The following SCAPER variants were observed in gnomAD, a reference collection of about 807,000 sequenced individuals.
SCAPER encodes S phase cyclin A-associated protein in the endoplasmic reticulum.
A neutral mutation model predicts 182.2 loss-of-function variants in SCAPER; 98 were observed. The ratio of observed to expected loss-of-function variants is 0.54; its 90% CI spans 0.46 to 0.64. The LOEUF is 0.64. SCAPER is among the 30% of genes least tolerant of loss of function. The pLI, the probability that SCAPER is intolerant of heterozygous loss-of-function variation, is 0.00. For synonymous variants in SCAPER, 605 were observed against 564.6 expected, an observed-to-expected ratio of 1.07 and a Z score of -1.01; for missense variants, 1,432 against 1,690.0, an observed-to-expected ratio of 0.85 and a Z score of 2.68.
intron 24 of SCAPER, among the ~76,000 whole-genome samples, chr15:76,504,246 A>G (rs1353289131): frequency 6.6e-6 from 1 of 152,092 alleles, no homozygotes. Flanking sequence ...TCTCCACAAA[A>G]TACCCAGAAA....
chr15:76,449,680 A>G (rs1393848651), intron 25 of SCAPER, among the ~76,000 whole-genome samples: 4 of 152,178 alleles, frequency 2.6e-5, no homozygotes, highest in Non-Finnish European at 5.9e-5. Flanking sequence ...AAGGGCATGT[A>G]TAAAGTTTTC....
chr15:76,607,425 C>T lies in SCAPER; in HGVS notation c.2711+14339G>A, dbSNP rs531381806. On this transcript the variant is annotated intron_variant, in intron 22 of 31. Transcript: ENST00000563290. ...GGGCTTCCCTTTGTGGGTAACCTGACCTTTGTCTCTGGCTGCTCTTAACAT... is the reference window on the plus strand; with the variant it reads ...GGGCTTCCCTTTGTGGGTAACCTGATCTTTGTCTCTGGCTGCTCTTAACAT... 3.9e-5 allele frequency among the ~76,000 whole-genome samples: 6 copies of T among 152,288 alleles called. No individual in the cohort carries two copies. In the South Asian group the frequency reaches 1.2e-3, roughly 32 times the overall value.
At chr15:76,876,290 C>T (rs1047873712) in intron 2 of SCAPER, among the ~76,000 whole-genome samples, 2 of 152,236 alleles carry the variant, frequency 1.3e-5, no homozygotes, top group East Asian at 1.9e-4. Context: ...AAGGACTCCC[C>T]GAGCATGGCC....
chr15:76,623,446 T>C (rs939247941), intron 21 of SCAPER, among the ~76,000 whole-genome samples: 1 of 152,242 alleles, frequency 6.6e-6, no homozygotes, highest in Non-Finnish European at 1.5e-5. Flanking sequence ...AGGGGTCTAA[T>C]TTATTTCTTC....
At chr15:76,548,459 T>C (rs1375188146) in intron 23 of SCAPER, among the ~76,000 whole-genome samples, 1 of 152,196 alleles carries the variant, frequency 6.6e-6, no homozygotes, top group Non-Finnish European at 1.5e-5. Flanking sequence ...ATGCTATAAA[T>C]AGAATGATGT....
chr15:76,381,662 G>A (rs2042949157), intron 27 of SCAPER, 47 bp from the exon 28 acceptor site: 2 of 1,423,790 alleles, frequency 1.4e-6, no homozygotes, highest in Non-Finnish European at 1.9e-6. Context: ...CTTAATGGAT[G>A]TTAGCAATTT....
intron 24 of SCAPER, among the ~76,000 whole-genome samples, chr15:76,491,337 A>G (rs2052284395): frequency 6.6e-6 from 1 of 152,172 alleles, no homozygotes; most frequent in Non-Finnish European, 1.5e-5. Context: ...CAGTTTGTTT[A>G]TTCATTCACC....
At chr15:76,495,622 T>G (rs1350284660) in intron 24 of SCAPER, among the ~76,000 whole-genome samples, 1 of 141,410 alleles carries the variant, frequency 7.1e-6, no homozygotes, top group Non-Finnish European at 1.5e-5. Context: ...GACGATGCAA[T>G]GCTCTGAAAA....
rs1017681349 is a variant in SCAPER at position 76,526,669 on chromosome 15, T to C, written c.2839-21695A>G. ...CTATGACCCAAGCTATTAATTCTACTTCCAGTCTAGATTTTTTTTCCCTGT... is the reference window on the plus strand; with the variant it reads ...CTATGACCCAAGCTATTAATTCTACCTCCAGTCTAGATTTTTTTTCCCTGT... On this transcript the variant is annotated intron_variant, in intron 23 of 31. Coordinates refer to ENST00000563290, the MANE Select transcript of SCAPER (RefSeq NM_020843.4). 1.1e-4 allele frequency among the ~76,000 whole-genome samples: 17 copies of C among 152,194 alleles called. 1 individual carries two copies. The East Asian group carries it at 3.3e-3, about 29-fold the overall frequency.
At chr15:76,884,308 G>C (rs1004542436) in intron 1 of SCAPER, among the ~76,000 whole-genome samples, 1 of 152,166 alleles carries the variant, frequency 6.6e-6, no homozygotes, top group African/African-American at 2.4e-5. Flanking sequence ...TCACTAATGA[G>C]TCTGAACTCA....
In SCAPER at chr15:76,760,395, G is replaced by A. The variant is rs559018439; in HGVS notation, c.1725+4566C>T. On this transcript the variant is annotated intron_variant, in intron 14 of 31. Coordinates refer to ENST00000563290, the MANE Select transcript of SCAPER (RefSeq NM_020843.4). ...AAGGATGCAGATAAACAGCCAGATGGAAAAGATGCCTAAGGCAAAGTGTGA... is the reference window on the plus strand; with the variant it reads ...AAGGATGCAGATAAACAGCCAGATGAAAAAGATGCCTAAGGCAAAGTGTGA... 2.0e-5 allele frequency among the ~76,000 whole-genome samples: 3 copies of A among 152,302 alleles called. No individual in the cohort carries two copies. The South Asian group carries it at 6.2e-4, about 32-fold the overall frequency.
At chr15:76,422,810 T>C (rs2046142014) in intron 26 of SCAPER, among the ~76,000 whole-genome samples, 1 of 152,216 alleles carries the variant, frequency 6.6e-6, no homozygotes, top group Admixed American at 6.5e-5. Flanking sequence ...ACCTAATTTA[T>C]TGAGAGTTTT....
intron 20 of SCAPER, among the ~76,000 whole-genome samples, chr15:76,691,304 A>G (rs2058346086): frequency 6.6e-6 from 1 of 152,090 alleles, no homozygotes; most frequent in African/African-American, 2.4e-5. Flanking sequence ...ACTTTACTCA[A>G]TGACACATAC....
chr15:76,392,809 A>G (rs936018072), intron 27 of SCAPER, among the ~76,000 whole-genome samples: 4 of 152,132 alleles, frequency 2.6e-5, no homozygotes, highest in African/African-American at 9.7e-5. Flanking sequence ...TATTACACAC[A>G]GTTTTCCTCT....
rs765768112 is a variant in SCAPER, at chr15:76,775,085, G to C, written c.805C>G (p.Gln269Glu). ...RKDAEGWETVQRGRPIRSRST... is the reference protein window; with the variant it reads ...RKDAEGWETVERGRPIRSRST... ...CGAGAACGAATAGGCCTTCCTCTCT[G>C]AACGGTCTCCCATCCTTCAGCATCT... is the stretch of plus-strand genomic sequence containing the variant. Residue 269 changes from glutamine to glutamate, a missense_variant, in exon 9 of 32, where the codon CAG (glutamine) becomes GAG (glutamate). By Grantham distance (29) the Gln-to-Glu change is conservative. This residue lies in a region of SCAPER where 480 missense variants were observed against 510.2 expected (regional missense o/e 0.94). Transcript: ENST00000563290. 1 of 1,613,452 alleles carries C rather than the reference G, an allele frequency of 6.2e-7. No homozygotes were observed.
chr15:76,468,420 C>A (rs1182569299), intron 25 of SCAPER, among the ~76,000 whole-genome samples: 2 of 152,062 alleles, frequency 1.3e-5, no homozygotes, highest in East Asian at 3.9e-4. Context: ...GTGGTCAAAT[C>A]CATTGAGAGA....
At chr15:76,879,824 C>G (rs1568395920) in intron 2 of SCAPER, among the ~76,000 whole-genome samples, 1 of 152,174 alleles carries the variant, frequency 6.6e-6, no homozygotes, top group Non-Finnish European at 1.5e-5. Flanking sequence ...TATACTCAAA[C>G]CAACTTGTAC....
At chr15:76,659,939 A>G (rs2055992709) in intron 21 of SCAPER, among the ~76,000 whole-genome samples, 1 of 152,212 alleles carries the variant, frequency 6.6e-6, no homozygotes, top group African/African-American at 2.4e-5. Flanking sequence ...AGACACATGT[A>G]TGTCTGTGTT....
At chr15:76,828,045 A>C (rs1219219201) in intron 5 of SCAPER, among the ~76,000 whole-genome samples, 1 of 152,170 alleles carries the variant, frequency 6.6e-6, no homozygotes, top group South Asian at 2.1e-4. Flanking sequence ...TGCATTTATT[A>C]AGAGGAGAAA....
Sources: gnomAD v4.1 joint callset for allele counts (sites outside exome capture counted in the v4.1 genomes callset) on GRCh38, gnomAD v4.1.1 for gene constraint, gnomAD v4.1.1 regional missense constraint, MANE v1.5 for transcripts, NCBI Gene and HGNC (gene_info 2026-07-23, HGNC 2026-07-21) for gene names.